THSD7B: variants seen among roughly 807,000 people sequenced by gnomAD.
THSD7B encodes thrombospondin type 1 domain containing 7B.
Under a neutral mutation model 213.6 loss-of-function variants are expected in THSD7B, and 138 were observed. That is an observed-to-expected ratio of 0.65 (90% confidence interval 0.56 to 0.74). THSD7B has a LOEUF of 0.74. Ranked by LOEUF, THSD7B falls within the 30% of genes least tolerant of loss-of-function variation. The pLI is 0.00. For missense variants in THSD7B, 1,931 were observed against 1,991.5 expected (o/e 0.97, Z 0.58); for synonymous variants, 742 against 687.0 (o/e 1.08, Z -1.25).
chr2:137,513,155 A>G (rs1680001862), intron 15 of THSD7B, among the ~76,000 whole-genome samples: 1 of 152,216 alleles, frequency 6.6e-6, no homozygotes, highest in Non-Finnish European at 1.5e-5. Context: ...TTTTTTAAAC[A>G]ATACTGTTTA....
chr2:136,952,076 G>T (rs1685047195), intron 2 of THSD7B, among the ~76,000 whole-genome samples: 1 of 152,046 alleles, frequency 6.6e-6, no homozygotes, highest in Middle Eastern at 3.4e-3. Flanking sequence ...CACCATATTG[G>T]CCAGCTGGTC....
intron 14 of THSD7B, among the ~76,000 whole-genome samples, chr2:137,445,184 T>A (rs374290981): frequency 6.6e-6 from 1 of 152,070 alleles, no homozygotes. Flanking sequence ...ACAGCCACTA[T>A]GAAAAACAGT....
intron 21 of THSD7B, among the ~76,000 whole-genome samples, chr2:137,654,757 C>T (rs60414170): frequency 6.6e-6 from 1 of 151,966 alleles, no homozygotes; most frequent in Admixed American, 6.6e-5. Context: ...TTTTGGTTTT[C>T]TGTGGGGGGC....
At position 137,458,813 on chromosome 2, in the gene THSD7B, T is replaced by G. The variant is rs567719991; in HGVS notation, c.3138+7790T>G. ...TTATCTTCTTGTAAAGTGCTTTTAT[T>G]TTATTTGGTGCACTGTCTCCATAAA... is the stretch of plus-strand genomic sequence containing the variant. On this transcript the variant is annotated intron_variant, in intron 15 of 27. Coordinates refer to ENST00000409968, the MANE Select transcript of THSD7B (RefSeq NM_001316349.2). Among the ~76,000 whole-genome samples the G allele has an allele frequency of 2.5e-3, 382 of 152,308 alleles. 1 individual carries two copies. Among genetic ancestry groups the G allele is most frequent in the Non-Finnish European group, 3.5e-3 (239 of 68,028 alleles).
In THSD7B at chr2:137,553,291, AT is replaced by A. The variant is rs1325355860; in HGVS notation, c.3139-9923del. Among the ~76,000 whole-genome samples, 3 of 152,068 alleles carry A rather than the reference AT, an allele frequency of 2.0e-5. No homozygotes were observed. In the East Asian group the frequency reaches 5.8e-4, roughly 29 times the overall value. ...GAAAGGCAGAAGCTGTAAATTTTCT[AT>A]TTTTTTAATGTGGTTGTTGTTAAAG... On this transcript the variant is annotated intron_variant, in intron 15 of 27. Coordinates refer to ENST00000409968, the MANE Select transcript of THSD7B (RefSeq NM_001316349.2).
intron 12 of THSD7B, among the ~76,000 whole-genome samples, chr2:137,293,306 C>T (rs1394904960): frequency 6.6e-6 from 1 of 151,768 alleles, no homozygotes; most frequent in Non-Finnish European, 1.5e-5. Flanking sequence ...TGCCAATTAA[C>T]TTTTGTATTT....
chr2:136,855,576 C>T (rs993287015), intron 1 of THSD7B, among the ~76,000 whole-genome samples: 4 of 144,458 alleles, frequency 2.8e-5, no homozygotes, highest in Admixed American at 7.3e-5. Context: ...CAGGTGCGTG[C>T]CACCGCATCC....
chr2:137,640,642 A>G (rs1299223128), intron 20 of THSD7B, among the ~76,000 whole-genome samples: 1 of 152,130 alleles, frequency 6.6e-6, no homozygotes, highest in African/African-American at 2.4e-5. Flanking sequence ...GTCATCTATA[A>G]TATGAGAAAA....
chr2:137,585,588 T>C (rs571766014), intron 17 of THSD7B, among the ~76,000 whole-genome samples: 1 of 152,154 alleles, frequency 6.6e-6, no homozygotes, highest in Admixed American at 6.6e-5. Context: ...GCCTTCATTT[T>C]GTTATATACC....
intron 3 of THSD7B, among the ~76,000 whole-genome samples, chr2:137,065,849 C>A (rs1407473956): frequency 6.6e-6 from 1 of 152,102 alleles, no homozygotes; most frequent in Non-Finnish European, 1.5e-5. Flanking sequence ...TCTCTCCCAT[C>A]CCTTGCATCA....
chr2:136,980,360 T>C (rs562143881), intron 2 of THSD7B, among the ~76,000 whole-genome samples: 2 of 152,138 alleles, frequency 1.3e-5, no homozygotes, highest in Non-Finnish European at 2.9e-5. Flanking sequence ...ATTAAGTCCA[T>C]TGAACTGGAG....
chr2:137,475,649 A>C (rs373592649), intron 15 of THSD7B, among the ~76,000 whole-genome samples: 3 of 152,130 alleles, frequency 2.0e-5, no homozygotes, highest in Non-Finnish European at 4.4e-5. Context: ...TGTTGCTTCA[A>C]ATGACTTTAT....
chr2:137,257,011 A>T (rs751666883), intron 10 of THSD7B, among the ~76,000 whole-genome samples: 1 of 152,172 alleles, frequency 6.6e-6, no homozygotes, highest in Non-Finnish European at 1.5e-5. Context: ...AGGGCATCAC[A>T]TGGTGAAGGG....
At chr2:137,442,029 C>T (rs1156961503) in intron 14 of THSD7B, among the ~76,000 whole-genome samples, 2 of 151,892 alleles carry the variant, frequency 1.3e-5, no homozygotes, top group Non-Finnish European at 2.9e-5. Flanking sequence ...TTTTTTGACC[C>T]TCACAGCATT....
chr2:136,808,009 T>C (rs533704787), intron 1 of THSD7B, among the ~76,000 whole-genome samples: 1 of 152,228 alleles, frequency 6.6e-6, no homozygotes, highest in African/African-American at 2.4e-5. Context: ...CTATCTATAT[T>C]AAGCTAAATA....
At chr2:137,096,568 A>C (rs1688043897) in intron 4 of THSD7B, among the ~76,000 whole-genome samples, 1 of 152,210 alleles carries the variant, frequency 6.6e-6, no homozygotes, top group Non-Finnish European at 1.5e-5. Context: ...CAGAAGATGG[A>C]GATGCAGTGC....
chr2:136,840,583 C>G lies in THSD7B; in HGVS notation c.-35-41561C>G, dbSNP rs572630441. Among the ~76,000 whole-genome samples the G allele has an allele frequency of 4.3e-4, 66 of 151,978 alleles. 1 individual carries two copies. The highest frequency in any genetic ancestry group is 2.9e-3 in the Admixed American group (44 of 15,242). ...CTCTGTGTTTGGGGCATTGGAAGTT[C>G]GAAGGATTGGCAGAATATAAGACTG... On this transcript the variant is annotated intron_variant, in intron 1 of 27. Coordinates refer to ENST00000409968, the MANE Select transcript of THSD7B (RefSeq NM_001316349.2).
intron 4 of THSD7B, among the ~76,000 whole-genome samples, chr2:137,108,223 CT>C (rs888694862): frequency 5.3e-5 from 8 of 152,154 alleles, no homozygotes; most frequent in Non-Finnish European, 1.2e-4. Flanking sequence ...TAAATCTAAG[CT>C]TTTAGAAGAA....
intron 12 of THSD7B, among the ~76,000 whole-genome samples, chr2:137,325,033 T>A (rs761975214): frequency 6.6e-6 from 1 of 152,220 alleles, no homozygotes; most frequent in Non-Finnish European, 1.5e-5. Context: ...GGTTTTGCCA[T>A]AGGCATTGGC....
Sources: gnomAD v4.1 joint callset for allele counts (sites outside exome capture counted in the v4.1 genomes callset) on GRCh38, gnomAD v4.1.1 for gene constraint, MANE v1.5 for transcripts, NCBI Gene and HGNC (gene_info 2026-07-23, HGNC 2026-07-21) for gene names.